Variants in SLC14A2 observed in about 807,000 individuals in gnomAD.
SLC14A2 encodes urea transporter 2.
In SLC14A2, 91 loss-of-function variants were observed where a neutral mutation model predicts 104.6. The ratio of observed to expected loss-of-function variants is 0.87; its 90% CI spans 0.73 to 1.04. The LOEUF (loss-of-function observed/expected upper bound fraction) is 1.04. Among genes scored for constraint, SLC14A2 ranks in the 50% least tolerant of loss-of-function variants. The probability of loss-of-function intolerance (pLI) is 0.00; values close to 1 mark genes in which losing one functional copy is unlikely to be tolerated. For missense variants in SLC14A2, 1,189 were observed against 1,156.0 expected, an observed-to-expected ratio of 1.03 and a Z score of -0.41; for synonymous variants, 476 against 466.4, an observed-to-expected ratio of 1.02 and a Z score of -0.27.
At chr18:45,563,631 T>A (rs2044232012) in intron 2 of SLC14A2, among the ~76,000 whole-genome samples, 2 of 152,154 alleles carry the variant, frequency 1.3e-5, no homozygotes, top group South Asian at 4.1e-4. Context: ...AATTTTTCAA[T>A]ATCATTTTTA....
rs531366886 is a variant in SLC14A2, at chr18:45,414,744, T to TAAAAAAAAAAA, written c.-124-68485_-124-68475dup. ...CAGGTGCGGTGCAAGGCACCGAGCG[T>TAAAAAAAAAAA]AAAAAAAAAAAAAATATATATATAT... On this transcript the variant is annotated intron_variant, in intron 1 of 20. Coordinates refer to the SLC14A2 transcript ENST00000586448. 9.0e-4 allele frequency among the ~76,000 whole-genome samples: 47 copies of TAAAAAAAAAAA among 52,344 alleles called. 1 individual carries two copies. Among genetic ancestry groups the TAAAAAAAAAAA allele is most frequent in the Non-Finnish European group, 1.1e-3 (34 of 32,046 alleles). The allele number at this position is 52,344 out of a possible 152,430, so 34.3% of individuals were successfully genotyped here.
intron 1 of SLC14A2, among the ~76,000 whole-genome samples, chr18:45,406,741 C>A (rs1171353752): frequency 6.6e-6 from 1 of 152,138 alleles, no homozygotes; most frequent in Non-Finnish European, 1.5e-5. Flanking sequence ...GGCATGGAAA[C>A]AATATTAATC....
intron 1 of SLC14A2, among the ~76,000 whole-genome samples, chr18:45,472,782 T>G (rs182630173): frequency 6.6e-6 from 1 of 152,326 alleles, no homozygotes; most frequent in East Asian, 1.9e-4. Context: ...ATTAGCCCTT[T>G]GTCAGATGGA....
At chr18:45,227,933 C>T (rs1160563833) in intron 1 of SLC14A2, among the ~76,000 whole-genome samples, 1 of 151,994 alleles carries the variant, frequency 6.6e-6, no homozygotes, top group Non-Finnish European at 1.5e-5. Context: ...GATTTCATTG[C>T]AGGAAAAAAA....
At chr18:45,179,226 A>T in the SLC14A2 span, among the ~76,000 whole-genome samples, 5 of 152,140 alleles carry the variant, frequency 3.3e-5, no homozygotes, top group Admixed American at 1.3e-4. Flanking sequence ...ATCATAGCAC[A>T]CCAAACAATC....
At chr18:45,520,518 G>A (rs2043503076) in intron 2 of SLC14A2, among the ~76,000 whole-genome samples, 1 of 152,174 alleles carries the variant, frequency 6.6e-6, no homozygotes, top group Admixed American at 6.5e-5. Context: ...TGGACTAAAT[G>A]CATTTAAAGT....
rs180976183 is a variant in SLC14A2, at chr18:45,268,625, G to T, written c.-125+55434G>T. Reference sequence around the variant, plus strand: ...TAAATGTGTGGTATGTGAGAGATTTGGAAGCACCTAGTATAAGCAATTATG... The same window carrying T: ...TAAATGTGTGGTATGTGAGAGATTTTGAAGCACCTAGTATAAGCAATTATG... On this transcript the variant is annotated intron_variant, in intron 1 of 20. Transcript: ENST00000586448. Among the ~76,000 whole-genome samples the T allele has an allele frequency of 8.5e-5, 13 of 152,250 alleles. No individual in the cohort carries two copies. The East Asian group carries it at 2.5e-3, about 29-fold the overall frequency.
chr18:45,459,480 G>C (rs2087003798), intron 1 of SLC14A2, among the ~76,000 whole-genome samples: 1 of 152,212 alleles, frequency 6.6e-6, no homozygotes, highest in South Asian at 2.1e-4. Flanking sequence ...CAAACGTCCA[G>C]TGTGTCTTCT....
intron 2 of SLC14A2, among the ~76,000 whole-genome samples, chr18:45,569,373 T>G (rs892730690): frequency 8.5e-5 from 13 of 152,226 alleles, no homozygotes; most frequent in African/African-American, 2.4e-4. Context: ...ACCCCTTTAC[T>G]CTATTCTAAA....
intron 1 of SLC14A2, among the ~76,000 whole-genome samples, chr18:45,282,134 T>C (rs1003360756): frequency 3.9e-5 from 6 of 152,086 alleles, no homozygotes; most frequent in Non-Finnish European, 8.8e-5. Context: ...AAAAATGACA[T>C]GCTGAGCCAT....
Position 45,235,998 on chromosome 18 carries a change from CAT to C in SLC14A2, c.-125+22812_-125+22813del, listed in dbSNP as rs561498162. ...ATGTGTGTATATATGTGTATATATA[CAT>C]ATATGTGTGTATATATGTGTATATA... On this transcript the variant is annotated intron_variant, in intron 1 of 20. Coordinates refer to the SLC14A2 transcript ENST00000586448. Among the ~76,000 whole-genome samples, 235 of 31,704 alleles carry C rather than the reference CAT, an allele frequency of 7.4e-3. 6 individuals are homozygous for C. The highest frequency in any genetic ancestry group is 0.025 in the South Asian group (35 of 1,376). The allele number at this position is 31,704 out of a possible 152,430, so 20.8% of individuals were successfully genotyped here. A position where few individuals can be genotyped will look rare whatever the true frequency, so the allele number is the denominator to read the frequency against.
chr18:45,313,298 C>T (rs1011678925), intron 1 of SLC14A2, among the ~76,000 whole-genome samples: 1 of 152,114 alleles, frequency 6.6e-6, no homozygotes, highest in African/African-American at 2.4e-5. Flanking sequence ...CTTCCTGCTC[C>T]ACACTAGGAA....
At chr18:45,301,579 C>T (rs936826501) in intron 1 of SLC14A2, among the ~76,000 whole-genome samples, 1 of 152,192 alleles carries the variant, frequency 6.6e-6, no homozygotes, top group Non-Finnish European at 1.5e-5. Context: ...ATCACAGACA[C>T]CCACATTTGT....
At chr18:45,482,101 CA>C (rs2087505455) in intron 1 of SLC14A2, among the ~76,000 whole-genome samples, 1 of 152,020 alleles carries the variant, frequency 6.6e-6, no homozygotes, top group African/African-American at 2.4e-5. Flanking sequence ...AATAACATAC[CA>C]AAAGCTTTAA....
intron 1 of SLC14A2, among the ~76,000 whole-genome samples, chr18:45,424,309 AG>A (rs1300126837): frequency 6.6e-6 from 1 of 152,198 alleles, no homozygotes; most frequent in Non-Finnish European, 1.5e-5. Flanking sequence ...TCATGTATAA[AG>A]GGGTTGGTTC....
At chr18:45,654,141 G>GGC (rs370033804) in intron 10 of SLC14A2, among the ~76,000 whole-genome samples, 5 of 148,636 alleles carry the variant, frequency 3.4e-5, no homozygotes, top group African/African-American at 5.2e-5. Context: ...GAATGCTGGG[G>GGC]GGGACGTGGG....
chr18:45,655,464 T>C (rs555263211), intron 10 of SLC14A2, among the ~76,000 whole-genome samples: 54 of 152,342 alleles, frequency 3.5e-4, no homozygotes, highest in African/African-American at 1.3e-3. Context: ...ATGTATACAA[T>C]GTCCACACCC....
intron 10 of SLC14A2, among the ~76,000 whole-genome samples, chr18:45,662,269 T>G: frequency 6.6e-6 from 1 of 152,090 alleles, no homozygotes; most frequent in East Asian, 1.9e-4. Flanking sequence ...GCCACTGCAC[T>G]CCAGCCTGGG....
At chr18:45,235,826 TATATAC>T (rs2144032006) in intron 1 of SLC14A2, among the ~76,000 whole-genome samples, 1 of 99,690 alleles carries the variant, frequency 1.0e-5, no homozygotes, top group East Asian at 2.2e-4. Flanking sequence ...TATATATATA[TATATAC>T]GTGTATATAT....
Sources: gnomAD v4.1 joint callset for allele counts (sites outside exome capture counted in the v4.1 genomes callset) on GRCh38, gnomAD v4.1.1 for gene constraint, MANE v1.5 for transcripts, NCBI Gene and HGNC (gene_info 2026-07-23, HGNC 2026-07-21) for gene names.